GALNT13: variants seen among roughly 807,000 people sequenced by gnomAD.
GALNT13 encodes polypeptide N-acetylgalactosaminyltransferase 13.
GALNT13 carries 28 observed loss-of-function variants against 64.2 expected under a neutral mutation model. The ratio of observed to expected loss-of-function variants is 0.44; its 90% confidence interval spans 0.32 to 0.60. GALNT13 has a LOEUF of 0.60. Among genes scored for constraint, GALNT13 ranks in the 20% least tolerant of loss-of-function variants. GALNT13 has a pLI of 0.05. For synonymous variants in GALNT13, 214 were observed against 224.6 expected (o/e 0.95, Z 0.42); for missense variants, 577 against 669.8 (o/e 0.86, Z 1.53).
the GALNT13 span, among the ~76,000 whole-genome samples, chr2:153,345,629 C>CTT: frequency 1.8e-5 from 2 of 110,700 alleles, no homozygotes; most frequent in Non-Finnish European, 4.2e-5. Flanking sequence ...TTTTCTTTTC[C>CTT]TTTCTTTTTC....
At chr2:154,132,586 C>T (rs1247620031) in intron 3 of GALNT13, among the ~76,000 whole-genome samples, 1 of 152,030 alleles carries the variant, frequency 6.6e-6, no homozygotes, top group Non-Finnish European at 1.5e-5. Flanking sequence ...ATACAAGCTA[C>T]TTTAATCATG....
At chr2:154,049,555 A>C (rs368341429) in intron 3 of GALNT13, among the ~76,000 whole-genome samples, 1 of 149,248 alleles carries the variant, frequency 6.7e-6, no homozygotes, top group African/African-American at 2.4e-5. Context: ...TGTTAAAGTC[A>C]AGAAGCATGG....
At chr2:153,444,327 T>C in the GALNT13 span, among the ~76,000 whole-genome samples, 1 of 152,130 alleles carries the variant, frequency 6.6e-6, no homozygotes, top group Admixed American at 6.5e-5. Flanking sequence ...ACAAAACATA[T>C]AGTATGTACT....
chr2:154,129,153 C>T (rs545111814), intron 3 of GALNT13, among the ~76,000 whole-genome samples: 1 of 152,112 alleles, frequency 6.6e-6, no homozygotes, highest in Admixed American at 6.5e-5. Context: ...ACTATATGTG[C>T]CTCACCATCC....
At chr2:153,481,016 G>A in the GALNT13 span, among the ~76,000 whole-genome samples, 1 of 152,146 alleles carries the variant, frequency 6.6e-6, no homozygotes, top group African/African-American at 2.4e-5. Flanking sequence ...TTGGAGTCAG[G>A]AGAGTTTTTA....
At chr2:153,315,177 C>CT in the GALNT13 span, among the ~76,000 whole-genome samples, 2 of 152,090 alleles carry the variant, frequency 1.3e-5, no homozygotes, top group East Asian at 1.9e-4. Context: ...ACACAACAAC[C>CT]TTTTTTTGTT....
At chr2:153,163,343 G>A in the GALNT13 span, among the ~76,000 whole-genome samples, 1 of 152,080 alleles carries the variant, frequency 6.6e-6, no homozygotes, top group South Asian at 2.1e-4. Flanking sequence ...TTTGGTGTGT[G>A]TGCCCATTCT....
At chr2:153,675,796 C>A in the GALNT13 span, among the ~76,000 whole-genome samples, 1 of 152,056 alleles carries the variant, frequency 6.6e-6, no homozygotes, top group African/African-American at 2.4e-5. Flanking sequence ...GGGCAGAAAT[C>A]AAGAAATTCT....
Position 153,937,871 on chromosome 2 carries a change from C to T in GALNT13, c.-104-6523C>T, listed in dbSNP as rs117872374. On this transcript the variant is annotated intron_variant, in intron 2 of 12. Coordinates refer to ENST00000392825, the MANE Select transcript of GALNT13 (RefSeq NM_052917.4). ...ATTAAGAATTGATCATTGGATTTGACCGTGACCTTATCACATGAGGTTTCC... is the reference window on the plus strand; with the variant it reads ...ATTAAGAATTGATCATTGGATTTGATCGTGACCTTATCACATGAGGTTTCC... 2.8e-4 allele frequency among the ~76,000 whole-genome samples: 43 copies of T among 152,268 alleles called. 1 individual carries two copies. The East Asian group carries it at 8.1e-3, about 29-fold the overall frequency.
intron 2 of GALNT13, among the ~76,000 whole-genome samples, chr2:153,934,981 C>G (rs1426657517): frequency 6.6e-6 from 1 of 152,000 alleles, no homozygotes; most frequent in African/African-American, 2.4e-5. Flanking sequence ...TTATGGCACT[C>G]CATTGAACAC....
At chr2:154,363,001 G>T (rs1697161545) in intron 9 of GALNT13, among the ~76,000 whole-genome samples, 2 of 125,598 alleles carry the variant, frequency 1.6e-5, no homozygotes, top group Admixed American at 9.3e-5. Flanking sequence ...AAGTTGCATT[G>T]TACACTGTTT....
At chr2:153,213,456 G>T in the GALNT13 span, among the ~76,000 whole-genome samples, 40 of 152,304 alleles carry the variant, frequency 2.6e-4, no homozygotes, top group African/African-American at 9.4e-4. Context: ...TTCCAAGGTT[G>T]TTTGCTGTAC....
the GALNT13 span, among the ~76,000 whole-genome samples, chr2:153,795,097 C>T: frequency 6.6e-6 from 1 of 152,016 alleles, no homozygotes; most frequent in Non-Finnish European, 1.5e-5. Flanking sequence ...TTGTGAGTGC[C>T]CCAGATTTGT....
chr2:154,455,149 T>C (rs965317465), downstream of GALNT13, among the ~76,000 whole-genome samples: 2 of 152,144 alleles, frequency 1.3e-5, no homozygotes, highest in Non-Finnish European at 2.9e-5. Flanking sequence ...AAAACAGAAC[T>C]GTTTTTACCT....
At chr2:154,249,869 A>G (rs1005069300) in intron 7 of GALNT13, among the ~76,000 whole-genome samples, 2 of 152,034 alleles carry the variant, frequency 1.3e-5, no homozygotes, top group African/African-American at 4.8e-5. Context: ...TTTATTTTTC[A>G]CTCAATTAGA....
intron 9 of GALNT13, among the ~76,000 whole-genome samples, chr2:154,393,180 T>C (rs1698876398): frequency 6.6e-6 from 1 of 152,138 alleles, no homozygotes; most frequent in South Asian, 2.1e-4. Context: ...GATAAGAGTT[T>C]GGGGAACAAG....
intron 11 of GALNT13, chr2:154,435,827 A>G (rs1700938085): frequency 6.6e-6 from 1 of 152,212 alleles, no homozygotes; most frequent in African/African-American, 2.4e-5. Flanking sequence ...TTTTCAGTAT[A>G]CCCAAAGTGA....
chr2:153,836,986 A>T, the GALNT13 span, among the ~76,000 whole-genome samples: 129 of 152,000 alleles, frequency 8.5e-4, no homozygotes, highest in African/African-American at 2.9e-3. Context: ...ATGTGTCTTT[A>T]TAGCAGCATG....
At chr2:154,156,719 G>C (rs1380505459) in intron 4 of GALNT13, among the ~76,000 whole-genome samples, 1 of 152,054 alleles carries the variant, frequency 6.6e-6, no homozygotes, top group Non-Finnish European at 1.5e-5. Flanking sequence ...GAATATAAAA[G>C]GGGAAAAGAC....
Sources: allele counts gnomAD v4.1 joint callset (sites outside exome capture counted in the v4.1 genomes callset), GRCh38; gene constraint gnomAD v4.1.1; transcripts MANE v1.5; gene names NCBI Gene and HGNC (gene_info 2026-07-23, HGNC 2026-07-21).